BLTP1: variants seen among roughly 807,000 people sequenced by gnomAD.
The protein encoded by BLTP1 is bridge-like lipid transfer protein family member 1.
chr4:122,256,349 A>T, the BLTP1 span, among the ~76,000 whole-genome samples: 1 of 152,150 alleles, frequency 6.6e-6, no homozygotes. Context: ...GTGTAGTTAT[A>T]GGTAGAGAAG....
the BLTP1 span, among the ~76,000 whole-genome samples, chr4:122,235,810 AG>A: frequency 6.0e-4 from 91 of 151,688 alleles, no homozygotes; most frequent in Non-Finnish European, 1.1e-3. Context: ...GTCTCAAAAA[AG>A]AAAAAAAAAA....
chr4:122,199,325 T>C, the BLTP1 span: 10 of 1,605,254 alleles, frequency 6.2e-6, no homozygotes, highest in Non-Finnish European at 8.5e-6. Flanking sequence ...GTAATTGTTT[T>C]CCTGGTTCTT....
the BLTP1 span, among the ~76,000 whole-genome samples, chr4:122,234,501 T>G: frequency 5.3e-5 from 8 of 152,234 alleles, no homozygotes; most frequent in East Asian, 1.5e-3. Context: ...TTTGCTTTTT[T>G]TTTAATGCTT....
chr4:122,302,527 C>A, the BLTP1 span, among the ~76,000 whole-genome samples: 2 of 152,258 alleles, frequency 1.3e-5, no homozygotes, highest in South Asian at 2.1e-4. Flanking sequence ...GCGCCAGGAG[C>A]TGCACCAATG....
chr4:122,304,198 G>A, the BLTP1 span, among the ~76,000 whole-genome samples: 2 of 152,042 alleles, frequency 1.3e-5, no homozygotes, highest in South Asian at 2.1e-4. Context: ...ATGATTGTTG[G>A]CATTTTTTAG....
chr4:122,179,863 C>T, the BLTP1 span: 1 of 985,092 alleles, frequency 1.0e-6, no homozygotes, highest in Non-Finnish European at 1.2e-6. Flanking sequence ...ACAGAGGCTA[C>T]ATGCAAAGTA....
the BLTP1 span, chr4:122,333,840 T>TAGAC: frequency 6.3e-7 from 1 of 1,581,544 alleles, no homozygotes; most frequent in Non-Finnish European, 8.5e-7. Context: ...GGTAAGGGAT[T>TAGAC]AGACTATTGG....
chr4:122,159,461 CA>C, the BLTP1 span, among the ~76,000 whole-genome samples: 659 of 123,366 alleles, frequency 5.3e-3, 1 homozygote, highest in Middle Eastern at 0.013. Context: ...GACTCTGTCC[CA>C]AAAAAAAAAA....
chr4:122,254,540 A>G, the BLTP1 span: 1 of 937,762 alleles, frequency 1.1e-6, no homozygotes, highest in South Asian at 4.9e-5. Flanking sequence ...CTTTCATAGT[A>G]CTTTAGTTTT....
the BLTP1 span, chr4:122,214,591 CTATT>C: frequency 6.5e-6 from 1 of 153,690 alleles, no homozygotes; most frequent in Non-Finnish European, 9.0e-6. Context: ...TTTTTGGTAA[CTATT>C]TTTTTTTTTT....
At chr4:122,201,152 A>G in the BLTP1 span, 2 of 1,541,298 alleles carry the variant, frequency 1.3e-6, no homozygotes, top group Non-Finnish European at 1.8e-6. Flanking sequence ...ATATAAATAC[A>G]GTGAGATTTA....
chr4:122,331,773 T>A, the BLTP1 span: 9 of 975,906 alleles, frequency 9.2e-6, no homozygotes, highest in African/African-American at 5.3e-5. Context: ...GCAAGTTTTT[T>A]AATTAAAATA....
At chr4:122,202,780 A>G in the BLTP1 span, among the ~76,000 whole-genome samples, 1 of 152,052 alleles carries the variant, frequency 6.6e-6, no homozygotes, top group Non-Finnish European at 1.5e-5. Flanking sequence ...TGTTAGTTAC[A>G]TCGAAACAGC....
At chr4:122,219,424 A>C in the BLTP1 span, 1 of 1,614,172 alleles carries the variant, frequency 6.2e-7, no homozygotes, top group Non-Finnish European at 8.5e-7. Flanking sequence ...AACATCATCC[A>C]GCTCTGGGTG....
the BLTP1 span, among the ~76,000 whole-genome samples, chr4:122,310,087 G>A: frequency 1.3e-5 from 2 of 151,960 alleles, no homozygotes; most frequent in Admixed American, 6.6e-5. Flanking sequence ...TAAATAAGGA[G>A]TTAAAAGGTT....
the BLTP1 span, chr4:122,181,448 T>C: frequency 6.6e-6 from 1 of 152,326 alleles, no homozygotes; most frequent in Non-Finnish European, 1.5e-5. Context: ...TATGCCCCAA[T>C]TAGGCTTCTA....
chr4:122,246,769 A>C, the BLTP1 span: 2 of 1,613,156 alleles, frequency 1.2e-6, no homozygotes, highest in Non-Finnish European at 1.7e-6. Flanking sequence ...CCCTAGTGGC[A>C]TTGTGTTTTG....
chr4:122,350,920 A>G, the BLTP1 span, among the ~76,000 whole-genome samples: 8 of 152,294 alleles, frequency 5.3e-5, no homozygotes, highest in East Asian at 1.4e-3. Context: ...AAGATTTTTA[A>G]TATGATGGTT....
At chr4:122,186,684 T>C in the BLTP1 span, among the ~76,000 whole-genome samples, 2 of 152,046 alleles carry the variant, frequency 1.3e-5, no homozygotes, top group Non-Finnish European at 2.9e-5. Flanking sequence ...AGGTCTGCTT[T>C]TAAAAATACA....
Sources: gnomAD v4.1 joint callset for allele counts (sites outside exome capture counted in the v4.1 genomes callset) on GRCh38, gnomAD v4.1.1 for gene constraint, MANE v1.5 for transcripts, NCBI Gene and HGNC (gene_info 2026-07-23, HGNC 2026-07-21) for gene names.